Variants in COL6A3 observed in about 807,000 individuals in gnomAD.
The protein encoded by COL6A3 is collagen type VI alpha 3 chain.
COL6A3 carries 137 observed loss-of-function variants against 274.1 expected under a neutral mutation model. That is an observed-to-expected ratio of 0.50 (90% CI 0.44 to 0.58). The LOEUF (loss-of-function observed/expected upper bound fraction) is 0.58, where lower values mean the gene tolerates loss of function less well. COL6A3 is among the 20% of genes least tolerant of loss of function. COL6A3 has a pLI of 0.00. For missense variants in COL6A3, 3,950 were observed against 4,124.9 expected (o/e 0.96, Z 1.16); for synonymous variants, 1,650 against 1,650.6 (o/e 1.00, Z 0.01).
intron 1 of COL6A3, among the ~76,000 whole-genome samples, chr2:237,412,211 A>G (rs1420293208): frequency 1.3e-5 from 2 of 152,246 alleles, no homozygotes; most frequent in Non-Finnish European, 2.9e-5. Flanking sequence ...TTCAGAAAGA[A>G]GAGCATACAG....
chr2:237,384,518 C>T (rs188084191), intron 4 of COL6A3, among the ~76,000 whole-genome samples: 83 of 152,170 alleles, frequency 5.5e-4, no homozygotes, highest in Non-Finnish European at 8.7e-4. Context: ...CATGCATCAC[C>T]CAAGCAGTGG....
At chr2:237,383,563 A>G (rs984093925) in intron 4 of COL6A3, among the ~76,000 whole-genome samples, 8 of 152,168 alleles carry the variant, frequency 5.3e-5, no homozygotes, top group Non-Finnish European at 1.0e-4. Context: ...ACGTATATAG[A>G]CACATATAAA....
rs140699766 is a variant in COL6A3, at chr2:237,366,922, C to A, written c.5265G>T (p.Ser1755=). ...QIAFVITGGK[S]VEDAQDVSLA... is the part of the protein sequence containing the mutation. ...GGCTCACATCCTGTGCATCTTCCAC[C>A]GACTTTCCTCCCGTGATCACAAAGG... The change falls in exon 11 of 44, where the codon TCG becomes TCT. Residue 1755 remains serine, a synonymous_variant. Transcript: ENST00000295550. 6.2e-7 allele frequency: 1 copy of A among 1,614,224 alleles called. No individual in the cohort carries two copies. Among genetic ancestry groups the A allele is most frequent in the Non-Finnish European group, 8.5e-7 (1 of 1,180,038 alleles).
intron 42 of COL6A3, chr2:237,332,947 G>A (rs1700337881): frequency 4.9e-6 from 1 of 202,942 alleles, no homozygotes; most frequent in Non-Finnish European, 1.0e-5. Flanking sequence ...AAGCACATGA[G>A]AGACAGTATC....
chr2:237,332,222 T>A (rs1700299711), intron 42 of COL6A3, among the ~76,000 whole-genome samples: 1 of 150,204 alleles, frequency 6.7e-6, no homozygotes, highest in Non-Finnish European at 1.5e-5. Flanking sequence ...GGACCACACA[T>A]AAGAGAATCA....
At chr2:237,372,691 A>T (rs2077724398) in intron 8 of COL6A3, among the ~76,000 whole-genome samples, 1 of 152,194 alleles carries the variant, frequency 6.6e-6, no homozygotes, top group Non-Finnish European at 1.5e-5. Flanking sequence ...GAGTGACCTC[A>T]ACTGGAGCAC....
rs151132249 is a variant in COL6A3, at chr2:237,362,202, CA to C, written c.6064-372del. ...CCAAAGTGCAAAGCCAAGCAAATGGCAGATGGCCAAGACTGAAGGTGGTTCC... is the reference window on the plus strand; with the variant it reads ...CCAAAGTGCAAAGCCAAGCAAATGGCGATGGCCAAGACTGAAGGTGGTTCC... On this transcript the variant is annotated intron_variant, in intron 14 of 43. Transcript: ENST00000295550. Among the ~76,000 whole-genome samples, 620 of 152,286 alleles carry C rather than the reference CA, an allele frequency of 4.1e-3. 3 individuals carry two copies. The highest frequency in any genetic ancestry group is 7.0e-3 in the Non-Finnish European group (476 of 68,016).
chr2:237,377,017 T>G lies in COL6A3; in HGVS notation c.2825A>C (p.Gln942Pro), dbSNP rs764635859. ...AGSRIEDGVL[Q>P]FLVLLVAGRS... ...TCCTGCGACCAGCAGCACCAGGAACTGAAGCACTCCATCCTCGATCCGGCT... is the reference window on the plus strand; with the variant it reads ...TCCTGCGACCAGCAGCACCAGGAACGGAAGCACTCCATCCTCGATCCGGCT... The change falls in exon 7 of 44, where the codon CAG becomes CCG. Residue 942 changes from glutamine to proline, a missense_variant. This residue lies in a region of COL6A3 where 1,934 missense variants were observed against 1,984.3 expected (regional missense o/e 0.97). Transcript: ENST00000295550. The G allele has an allele frequency of 6.2e-7, 1 of 1,614,216 alleles. No individual in the cohort carries two copies. Among genetic ancestry groups the G allele is most frequent in the Non-Finnish European group, 8.5e-7 (1 of 1,180,038 alleles).
chr2:237,357,897 G>A lies in COL6A3; in HGVS notation c.6472-15C>T, dbSNP rs745528910. ...CCTGGGTTACCCTGAAAGCAACATGGGAAAGGGAAATGAGCCACATATGGA... is the reference window on the plus strand; with the variant it reads ...CCTGGGTTACCCTGAAAGCAACATGAGAAAGGGAAATGAGCCACATATGGA... On this transcript the variant is annotated splice_polypyrimidine_tract_variant and intron_variant, in intron 21 of 43. Transcript: ENST00000295550. 5 of 1,613,384 alleles carry A rather than the reference G, an allele frequency of 3.1e-6. No homozygotes were observed. In the South Asian group the frequency reaches 5.5e-5, roughly 18 times the overall value.
At chr2:237,408,717 T>G (rs957520748) in intron 1 of COL6A3, among the ~76,000 whole-genome samples, 16 of 152,214 alleles carry the variant, frequency 1.1e-4, no homozygotes, top group African/African-American at 3.9e-4. Flanking sequence ...TACTTTTCCC[T>G]GGCCACTTGC....
At position 237,334,831 on chromosome 2, in the gene COL6A3, G is replaced by T. The variant is rs1305317296; in HGVS notation, c.9024C>A (p.His3008Gln). The part of the protein sequence containing the change: ...FEITENSAKL[H>Q]WERAEPPGPY... ...GACCGGGGGGCTCAGCCCTCTCCCA[G>T]TGGAGTTTGGCGCTGTTCTCTGTTA... Residue 3008 changes from histidine to glutamine, a missense_variant, in exon 41 of 44, where the codon CAC becomes CAA. Transcript: ENST00000295550. 6.2e-7 allele frequency: 1 copy of T among 1,614,198 alleles called. No individual in the cohort carries two copies. Among genetic ancestry groups the T allele is most frequent in the Non-Finnish European group, 8.5e-7 (1 of 1,180,024 alleles).
chr2:237,393,376 T>TCCAAGCCC (rs980325169), intron 3 of COL6A3, among the ~76,000 whole-genome samples: 1 of 152,126 alleles, frequency 6.6e-6, no homozygotes, highest in African/African-American at 2.4e-5. Flanking sequence ...CTTCAATCCC[T>TCCAAGCCC]CCAAGCCCCC....
chr2:237,333,160 C>G (rs1700351650), intron 42 of COL6A3: 1 of 472,820 alleles, frequency 2.1e-6, no homozygotes, highest in African/African-American at 1.9e-5. Flanking sequence ...CAACTCGAGT[C>G]CCAGTATGAG....
chr2:237,351,300 A>AGGTTCCATGCCCC, intron 26 of COL6A3, 108 bp from the exon 27 acceptor site: 1 of 1,024,518 alleles, frequency 9.8e-7, no homozygotes, highest in Non-Finnish European at 1.5e-6. Context: ...CGCCAGGGGC[A>AGGTTCCATGCCCC]TGGAACCTGT....
rs2078914186 is a variant in COL6A3 at position 237,413,826 on chromosome 2, T to G, written c.-31+127A>C. On this transcript the variant is annotated intron_variant, in intron 1 of 43. Coordinates refer to ENST00000295550, the MANE Select transcript of COL6A3 (RefSeq NM_004369.4). This position sits in a 1 kb window ranked among gnomAD's most constrained non-coding sequence, Gnocchi z 4.0. The stretch of plus-strand genomic sequence containing the variant: ...CGGAATCTTCCAGAGACCTAAAACA[T>G]GTACAGAAAACTGGCGATCAGCATG... 6.6e-6 allele frequency: 1 copy of G among 152,034 alleles called. No individual in the cohort carries two copies. Among genetic ancestry groups the G allele is most frequent in the South Asian group, 2.1e-4 (1 of 4,812 alleles). The allele number at this position is 152,034 out of a possible 1,614,324, so 9.4% of individuals were successfully genotyped here. A position where few individuals can be genotyped will look rare whatever the true frequency, so the allele number is the denominator to read the frequency against.
chr2:237,355,141 C>T lies in COL6A3; in HGVS notation c.6592-207G>A, dbSNP rs569143770. ...CAGACACCCTTCCTCCACCCTCATCCGGGTGAAGTTTTGCTTCCTTGCTGC... is the reference window on the plus strand; with the variant it reads ...CAGACACCCTTCCTCCACCCTCATCTGGGTGAAGTTTTGCTTCCTTGCTGC... On this transcript the variant is annotated intron_variant, in intron 23 of 43. Transcript: ENST00000295550. 190 of 511,112 alleles carry T rather than the reference C, an allele frequency of 3.7e-4. 1 individual carries two copies. The South Asian group carries it at 5.3e-3, about 14-fold the overall frequency. The allele number at this position is 511,112 out of a possible 1,614,324, so 31.7% of individuals were successfully genotyped here.
intron 1 of COL6A3, among the ~76,000 whole-genome samples, chr2:237,400,247 C>G (rs896001447): frequency 2.0e-5 from 3 of 152,196 alleles, no homozygotes; most frequent in African/African-American, 7.2e-5. Flanking sequence ...AAACATCTTT[C>G]TGGGTATCAA....
Position 237,388,106 on chromosome 2 carries a change from T to C in COL6A3, c.788A>G (p.Asp263Gly). 7 of 1,614,208 alleles carry C rather than the reference T, an allele frequency of 4.3e-6. No homozygotes were observed. The highest frequency in any genetic ancestry group is 5.9e-6 in the Non-Finnish European group (7 of 1,180,044). ...TTTCTCAAGGAGATTTACAAGGAAG[T>C]CGAGAATGACTGCGAAATTGACACT... is the stretch of plus-strand genomic sequence containing the variant. ...TGSVNFAVIL[D>G]FLVNLLEKLP... The change falls in exon 4 of 44, where the codon GAC becomes GGC. Residue 263 changes from aspartate (D) to glycine (G), a missense_variant. Around this residue, in one of 5 missense-constraint regions of COL6A3, gnomAD observed 1,934 missense variants for 1,984.3 expected, o/e 0.97. Coordinates refer to ENST00000295550, the MANE Select transcript of COL6A3 (RefSeq NM_004369.4).
chr2:237,389,699 A>G (rs1051092667), intron 3 of COL6A3, among the ~76,000 whole-genome samples: 2 of 152,226 alleles, frequency 1.3e-5, no homozygotes, highest in Non-Finnish European at 2.9e-5. Flanking sequence ...CCTTCCTAAT[A>G]TACAAGAAAG....
Sources: allele counts gnomAD v4.1 joint callset (sites outside exome capture counted in the v4.1 genomes callset), GRCh38; gene constraint gnomAD v4.1.1; regional missense constraint gnomAD v4.1.1; non-coding constraint Gnocchi (gnomAD v3.1); transcripts MANE v1.5; gene names NCBI Gene and HGNC (gene_info 2026-07-23, HGNC 2026-07-21).